Variants in PCSK5 observed in about 807,000 individuals in gnomAD.
PCSK5 encodes the protein prohormone convertase 5.
Under a neutral mutation model 233.2 loss-of-function variants are expected in PCSK5, and 129 were observed. That is an observed-to-expected ratio of 0.55 (90% CI 0.48 to 0.64). The LOEUF (loss-of-function observed/expected upper bound fraction) is 0.64. PCSK5 is among the 30% of genes least tolerant of loss of function. PCSK5 has a pLI of 0.00. For missense variants in PCSK5, 2,076 were observed against 2,430.1 expected, an observed-to-expected ratio of 0.85 and a Z score of 3.06; for synonymous variants, 825 against 879.2, an observed-to-expected ratio of 0.94 and a Z score of 1.09.
intron 24 of PCSK5, among the ~76,000 whole-genome samples, chr9:76,257,780 C>T (rs1827031500): frequency 1.3e-5 from 2 of 152,226 alleles, no homozygotes; most frequent in Non-Finnish European, 1.5e-5. Context: ...GGTATCCAGG[C>T]TGACCTCTCC....
intron 9 of PCSK5, among the ~76,000 whole-genome samples, chr9:76,126,210 T>G (rs1323385812): frequency 6.6e-6 from 1 of 151,334 alleles, no homozygotes; most frequent in Non-Finnish European, 1.5e-5. Flanking sequence ...TGGTGTAATT[T>G]TTAAAGTATT....
chr9:76,009,552 G>A lies in PCSK5; in HGVS notation c.412-14186G>A, dbSNP rs188700554. Reference sequence around the variant, plus strand: ...TGAGGCAGGAGAATCACTTGAACCCGGGAGGCGGAGGTTGCAGTGAGCCGA... The same window carrying A: ...TGAGGCAGGAGAATCACTTGAACCCAGGAGGCGGAGGTTGCAGTGAGCCGA... On this transcript the variant is annotated intron_variant, in intron 3 of 37. Transcript: ENST00000674117. Among the ~76,000 whole-genome samples the A allele has an allele frequency of 2.6e-3, 397 of 151,012 alleles. 1 individual carries two copies. The highest frequency in any genetic ancestry group is 9.1e-3 in the African/African-American group (376 of 41,184).
intron 27 of PCSK5, among the ~76,000 whole-genome samples, 181 bp downstream of exon 27, chr9:76,297,046 G>A (rs780713386): frequency 6.6e-6 from 1 of 152,166 alleles, no homozygotes; most frequent in Admixed American, 6.5e-5. Flanking sequence ...GTAGGAGTGG[G>A]TAGGAAGCTG....
At chr9:75,894,078 C>T (rs929590838) in intron 1 of PCSK5, among the ~76,000 whole-genome samples, 4 of 152,160 alleles carry the variant, frequency 2.6e-5, no homozygotes, top group African/African-American at 4.8e-5. Flanking sequence ...TTTGCAGATG[C>T]GTCTGGAATG....
At position 76,358,705 on chromosome 9, in the gene PCSK5, AC is replaced by A. The variant is rs781112220; in HGVS notation, c.5448del (p.Ser1817ProfsTer18). The A allele has an allele frequency of 1.1e-5, 18 of 1,612,570 alleles. No homozygotes were observed. Among genetic ancestry groups the A allele is most frequent in the Non-Finnish European group, 1.4e-5 (17 of 1,179,886 alleles). ...AAACTGGCCGACCCCAACAAGTCTT[AC>A]TCCTCCTATAAGAGCAGCTATAGAG... ...YEKLADPNKS[Y>X]SSYKSSYRES... is the part of the protein sequence containing the mutation. On this transcript the variant is annotated frameshift_variant, in exon 38 of 38. Transcript: ENST00000674117. LOFTEE classifies it high-confidence loss of function.
chr9:76,083,488 G>C (rs1009841252), intron 7 of PCSK5, among the ~76,000 whole-genome samples: 5 of 152,182 alleles, frequency 3.3e-5, no homozygotes, highest in African/African-American at 1.2e-4. Context: ...TGGTCAAGAA[G>C]AGTCAGTGAA....
chr9:76,335,586 G>A (rs747576357), intron 34 of PCSK5, among the ~76,000 whole-genome samples: 5 of 152,154 alleles, frequency 3.3e-5, no homozygotes, highest in Non-Finnish European at 5.9e-5. Flanking sequence ...CAAAAGATGA[G>A]TCCTCAAAGC....
At chr9:75,957,296 G>A (rs1459793680) in intron 2 of PCSK5, among the ~76,000 whole-genome samples, 2 of 152,142 alleles carry the variant, frequency 1.3e-5, no homozygotes, top group Non-Finnish European at 1.5e-5. Flanking sequence ...GCTTCTCAGG[G>A]TGACTATGTG....
At chr9:76,251,996 G>A (rs1356803061) in intron 24 of PCSK5, among the ~76,000 whole-genome samples, 1 of 152,128 alleles carries the variant, frequency 6.6e-6, no homozygotes, top group South Asian at 2.1e-4. Flanking sequence ...GGCCGGGCGT[G>A]GTGGCTCACA....
intron 34 of PCSK5, among the ~76,000 whole-genome samples, chr9:76,335,684 A>T (rs1316784235): frequency 6.6e-6 from 1 of 152,140 alleles, no homozygotes; most frequent in Non-Finnish European, 1.5e-5. Context: ...TTAAAAACCT[A>T]CTTAGAATTG....
chr9:76,063,336 T>TC (rs1564004046), intron 5 of PCSK5, among the ~76,000 whole-genome samples: 1 of 138,478 alleles, frequency 7.2e-6, no homozygotes, highest in Non-Finnish European at 1.6e-5. Flanking sequence ...TTTTTTTTTT[T>TC]TTTTTTTTTT....
intron 2 of PCSK5, among the ~76,000 whole-genome samples, chr9:75,937,533 C>T (rs192578699): frequency 1.3e-5 from 2 of 152,244 alleles, no homozygotes; most frequent in Non-Finnish European, 2.9e-5. Context: ...GGTAAATGAG[C>T]GTTGGCTTCA....
At chr9:76,032,611 A>T (rs1351068359) in intron 5 of PCSK5, among the ~76,000 whole-genome samples, 1 of 152,202 alleles carries the variant, frequency 6.6e-6, no homozygotes, top group Non-Finnish European at 1.5e-5. Flanking sequence ...TAGCGTGATT[A>T]GAGGAGATCA....
chr9:75,955,151 A>G (rs1204523377), intron 2 of PCSK5, among the ~76,000 whole-genome samples: 1 of 152,132 alleles, frequency 6.6e-6, no homozygotes, highest in Non-Finnish European at 1.5e-5. Flanking sequence ...GCTTCCGACA[A>G]ACTTTGGGGA....
chr9:76,023,612 C>T (rs1212560978), intron 3 of PCSK5, 126 bp from the exon 4 acceptor site: 3 of 778,810 alleles, frequency 3.9e-6, no homozygotes, highest in Non-Finnish European at 5.9e-6. Flanking sequence ...TTACAGTAAG[C>T]TCATCACACT....
chr9:76,220,749 C>T (rs1825704076), intron 20 of PCSK5, among the ~76,000 whole-genome samples: 1 of 152,038 alleles, frequency 6.6e-6, no homozygotes, highest in Admixed American at 6.5e-5. Context: ...ACCTCACATA[C>T]TTATTTTTTG....
At chr9:76,346,973 A>G (rs1829997432) in intron 35 of PCSK5, among the ~76,000 whole-genome samples, 1 of 152,292 alleles carries the variant, frequency 6.6e-6, no homozygotes, top group East Asian at 1.9e-4. Flanking sequence ...CTCAGGCTTA[A>G]TATGTACCTT....
At chr9:76,129,157 C>T (rs1020673239) in intron 9 of PCSK5, among the ~76,000 whole-genome samples, 1 of 152,164 alleles carries the variant, frequency 6.6e-6, no homozygotes, top group South Asian at 2.1e-4. Flanking sequence ...CTCCAGCTCA[C>T]CATGAATCTG....
chr9:76,067,896 C>T (rs1003053111), intron 5 of PCSK5, 59 bp from the exon 6 acceptor site: 27 of 1,322,738 alleles, frequency 2.0e-5, no homozygotes, highest in Non-Finnish European at 2.5e-5. Flanking sequence ...GGCAGTGACG[C>T]GTTGGCTTTG....
Sources: allele counts gnomAD v4.1 joint callset (sites outside exome capture counted in the v4.1 genomes callset), GRCh38; gene constraint gnomAD v4.1.1; transcripts MANE v1.5; gene names NCBI Gene and HGNC (gene_info 2026-07-23, HGNC 2026-07-21).